The following GRID2 variants were observed in gnomAD, a reference collection of about 807,000 sequenced individuals.
The protein encoded by GRID2 is glutamate receptor ionotropic, delta-2.
GRID2 carries 33 observed loss-of-function variants against 114.8 expected under a neutral mutation model. The observed-to-expected ratio is 0.29, with a 90% CI of 0.22 to 0.38. GRID2 has a LOEUF of 0.38. GRID2 is among the 10% of genes least tolerant of loss of function. The pLI, the probability that GRID2 is intolerant of heterozygous loss-of-function variation, is 1.00. For missense variants in GRID2, 1,184 were observed against 1,257.7 expected, an observed-to-expected ratio of 0.94 and a Z score of 0.89; for synonymous variants, 505 against 449.9, an observed-to-expected ratio of 1.12 and a Z score of -1.55.
At chr4:93,681,590 C>T (rs1725543988) in intron 14 of GRID2, among the ~76,000 whole-genome samples, 1 of 152,104 alleles carries the variant, frequency 6.6e-6, no homozygotes, top group Non-Finnish European at 1.5e-5. Context: ...AGATATAGAT[C>T]AATGGAACAG....
intron 2 of GRID2, among the ~76,000 whole-genome samples, chr4:92,850,253 A>T (rs536378313): frequency 2.0e-5 from 3 of 151,654 alleles, no homozygotes; most frequent in Non-Finnish European, 4.4e-5. Context: ...TTAGATATAC[A>T]TTGAAATAAA....
At chr4:93,117,634 A>G (rs1180031982) in intron 4 of GRID2, among the ~76,000 whole-genome samples, 1 of 151,966 alleles carries the variant, frequency 6.6e-6, no homozygotes, top group African/African-American at 2.4e-5. Flanking sequence ...TTCTCTATCT[A>G]TTTATTTAGT....
chr4:93,231,493 G>C (rs1746143145), intron 7 of GRID2, among the ~76,000 whole-genome samples: 1 of 151,934 alleles, frequency 6.6e-6, no homozygotes, highest in Admixed American at 6.6e-5. Context: ...CCCAAATGTG[G>C]TAAATATAGG....
At chr4:93,694,415 G>A (rs551313099) in intron 14 of GRID2, among the ~76,000 whole-genome samples, 1 of 152,206 alleles carries the variant, frequency 6.6e-6, no homozygotes, top group East Asian at 1.9e-4. Context: ...CAGCTTACTT[G>A]CTACGCATGA....
intron 11 of GRID2, among the ~76,000 whole-genome samples, chr4:93,456,736 A>G (rs1189372747): frequency 6.6e-6 from 1 of 152,154 alleles, no homozygotes; most frequent in Non-Finnish European, 1.5e-5. Context: ...GTTTGCTACA[A>G]TGGAGACATT....
At chr4:92,824,453 G>A (rs1264635266) in intron 2 of GRID2, among the ~76,000 whole-genome samples, 1 of 151,810 alleles carries the variant, frequency 6.6e-6, no homozygotes, top group East Asian at 1.9e-4. Flanking sequence ...CTTCTGTCTT[G>A]GGTGCTAGTT....
intron 8 of GRID2, among the ~76,000 whole-genome samples, chr4:93,316,653 C>CT (rs767622288): frequency 3.0e-4 from 45 of 152,200 alleles, no homozygotes; most frequent in African/African-American, 4.8e-4. Context: ...AAATACACGG[C>CT]TTTTTTCTCC....
intron 4 of GRID2, chr4:93,112,180 A>T (rs1732830683): frequency 6.6e-6 from 1 of 152,162 alleles, no homozygotes; most frequent in Non-Finnish European, 1.5e-5. Flanking sequence ...ATTGCAATAG[A>T]GGCGGTTGAA....
At chr4:92,926,674 C>T (rs1431760259) in intron 2 of GRID2, among the ~76,000 whole-genome samples, 1 of 151,808 alleles carries the variant, frequency 6.6e-6, no homozygotes, top group Non-Finnish European at 1.5e-5. Flanking sequence ...GGCATTGTAA[C>T]TGTGTCTTAT....
intron 2 of GRID2, among the ~76,000 whole-genome samples, chr4:92,763,626 C>T (rs535003033): frequency 6.6e-6 from 1 of 152,166 alleles, no homozygotes; most frequent in African/African-American, 2.4e-5. Flanking sequence ...GACTTGAGCA[C>T]TGCTGGACAG....
chr4:92,750,270 A>C (rs184203305), intron 2 of GRID2, among the ~76,000 whole-genome samples: 1 of 152,184 alleles, frequency 6.6e-6, no homozygotes, highest in Non-Finnish European at 1.5e-5. Flanking sequence ...ATCTGTTACT[A>C]TCTCATTCAG....
chr4:93,215,082 A>T (rs1208868369), intron 5 of GRID2, among the ~76,000 whole-genome samples: 2 of 152,012 alleles, frequency 1.3e-5, no homozygotes, highest in African/African-American at 4.8e-5. Context: ...ATAATAAAGT[A>T]ATTAGTATTT....
At chr4:93,236,503 A>G (rs1462454705) in intron 7 of GRID2, among the ~76,000 whole-genome samples, 5 of 151,958 alleles carry the variant, frequency 3.3e-5, no homozygotes, top group Admixed American at 2.6e-4. Context: ...GGAGCCACAA[A>G]CCATTAATCC....
chr4:93,478,312 A>T (rs1580196454), intron 11 of GRID2, among the ~76,000 whole-genome samples: 3 of 152,088 alleles, frequency 2.0e-5, no homozygotes, highest in Admixed American at 2.0e-4. Flanking sequence ...GTTTAATTTG[A>T]TTTTAATTTT....
intron 1 of GRID2, among the ~76,000 whole-genome samples, chr4:92,447,833 C>CT (rs894413279): frequency 2.6e-4 from 40 of 152,270 alleles, no homozygotes; most frequent in Admixed American, 2.5e-3. Flanking sequence ...CCCTTGTGAC[C>CT]TAATAACCTT....
chr4:93,788,490 T>C (rs1276385143), intron 1 of GRID2, among the ~76,000 whole-genome samples: 2 of 152,092 alleles, frequency 1.3e-5, no homozygotes, highest in South Asian at 2.1e-4. Flanking sequence ...AGTATATATA[T>C]ACACACACAT....
Position 92,648,262 on chromosome 4 carries a change from T to C in GRID2, c.244+57976T>C, listed in dbSNP as rs148097796. On this transcript the variant is annotated intron_variant, in intron 2 of 15. Coordinates refer to ENST00000282020, the MANE Select transcript of GRID2 (RefSeq NM_001510.4). ...TTTATTTTGAATACATTTAAATAAA[T>C]GAGGTAGGTAATTATTAGTGTGCAT... 3.5e-4 allele frequency among the ~76,000 whole-genome samples: 53 copies of C among 149,938 alleles called. No homozygotes were observed. The East Asian group carries it at 0.01, about 29-fold the overall frequency.
chr4:93,547,732 A>G (rs951340355), intron 13 of GRID2, among the ~76,000 whole-genome samples: 2 of 152,094 alleles, frequency 1.3e-5, no homozygotes, highest in Non-Finnish European at 2.9e-5. Context: ...CTGAGATTCA[A>G]ACCCATGCAG....
chr4:93,459,659 C>A (rs1186482170), intron 11 of GRID2, among the ~76,000 whole-genome samples: 1 of 151,592 alleles, frequency 6.6e-6, no homozygotes, highest in East Asian at 1.9e-4. Context: ...TCAACAACTG[C>A]CAATATGCTG....
Sources: gnomAD v4.1 joint callset for allele counts (sites outside exome capture counted in the v4.1 genomes callset) on GRCh38, gnomAD v4.1.1 for gene constraint, MANE v1.5 for transcripts, NCBI Gene and HGNC (gene_info 2026-07-23, HGNC 2026-07-21) for gene names.